GPLD1: variants seen among roughly 807,000 people sequenced by gnomAD.
GPLD1 encodes phosphatidylinositol-glycan-specific phospholipase D.
Under a neutral mutation model 112.6 loss-of-function variants are expected in GPLD1, and 84 were observed. The ratio of observed to expected loss-of-function variants is 0.75; its 90% CI spans 0.63 to 0.89. GPLD1 has a LOEUF of 0.89. GPLD1 is among the 40% of genes least tolerant of loss of function. The pLI is 0.00. For synonymous variants in GPLD1, 386 were observed against 403.8 expected, an observed-to-expected ratio of 0.96 and a Z score of 0.53; for missense variants, 1,044 against 1,051.5, an observed-to-expected ratio of 0.99 and a Z score of 0.10.
In GPLD1 at chr6:24,446,909, G is replaced by A; in HGVS notation, c.1749C>T (p.Ser583=). The change falls in exon 18 of 25, where the codon TCC becomes TCT. Residue 583 remains serine (S), a synonymous_variant. Transcript: ENST00000230036. ...GEEDFSWFGY[S]LHGVTVDNRT... ...TGTTGTCCACAGTGACACCGTGAAG[G>A]GAATATCCAAACCAGGAGAAGTCTT... 6.2e-7 allele frequency: 1 copy of A among 1,613,910 alleles called. No individual in the cohort carries two copies. Among genetic ancestry groups the A allele is most frequent in the Non-Finnish European group, 8.5e-7 (1 of 1,179,906 alleles).
At chr6:24,481,540 C>T (rs1042981403) in intron 2 of GPLD1, among the ~76,000 whole-genome samples, 2 of 152,160 alleles carry the variant, frequency 1.3e-5, no homozygotes, top group African/African-American at 4.8e-5. Flanking sequence ...CATTCCACAC[C>T]GCTCAGGTGG....
intron 7 of GPLD1, among the ~76,000 whole-genome samples, chr6:24,470,822 C>T (rs1763791648): frequency 6.6e-6 from 1 of 152,186 alleles, no homozygotes; most frequent in Non-Finnish European, 1.5e-5. Context: ...TGATCTCGAA[C>T]TCCTGACCTC....
At chr6:24,494,695 C>A (rs1764643850) in intron 1 of GPLD1, among the ~76,000 whole-genome samples, 1 of 152,200 alleles carries the variant, frequency 6.6e-6, no homozygotes, top group Non-Finnish European at 1.5e-5. Flanking sequence ...TGACAGCAGT[C>A]CGCAGGTGCA....
At chr6:24,477,621 T>C (rs1229628161) in intron 3 of GPLD1, among the ~76,000 whole-genome samples, 2 of 152,008 alleles carry the variant, frequency 1.3e-5, no homozygotes, top group African/African-American at 4.8e-5. Context: ...TCTCAGCTAC[T>C]CAGAAGGCTG....
At chr6:24,474,198 CACACACACAT>C (rs200842092) in intron 5 of GPLD1, among the ~76,000 whole-genome samples, 13,842 of 123,518 alleles carry the variant, frequency 0.11, 831 homozygotes, top group South Asian at 0.18. Flanking sequence ...CACACACACA[CACACACACAT>C]ATATATGCAG....
intron 22 of GPLD1, among the ~76,000 whole-genome samples, chr6:24,433,846 C>G (rs182123557): frequency 6.6e-5 from 10 of 152,114 alleles, no homozygotes; most frequent in African/African-American, 2.4e-4. Flanking sequence ...CCTTTGACCC[C>G]AGAAATTCTA....
rs763334608 is a variant in GPLD1, at chr6:24,476,165, G to A, written c.330+16C>T. The A allele has an allele frequency of 7.4e-7, 1 of 1,359,108 alleles. No individual in the cohort carries two copies. Among genetic ancestry groups the A allele is most frequent in the Middle Eastern group, 1.8e-4 (1 of 5,536 alleles). 84.2% of individuals were successfully genotyped at this position (1,359,108 alleles called of 1,614,324 possible). ...TTTGGTGCTAAATATTTTAAGGATT[G>A]GAGGACCACGCCTACCTTCTCCCAG... On this transcript the variant is annotated intron_variant, in intron 4 of 24. Coordinates refer to ENST00000230036, the MANE Select transcript of GPLD1 (RefSeq NM_001503.4).
chr6:24,440,137 T>C (rs1561831350), intron 20 of GPLD1, among the ~76,000 whole-genome samples: 1 of 152,206 alleles, frequency 6.6e-6, no homozygotes, highest in Non-Finnish European at 1.5e-5. Flanking sequence ...CATCTTGTAA[T>C]GTGGTTCATA....
At chr6:24,469,529 C>CA (rs1183194643) in intron 7 of GPLD1, among the ~76,000 whole-genome samples, 1 of 95,670 alleles carries the variant, frequency 1.0e-5, no homozygotes, top group Admixed American at 1.3e-4. Context: ...ATCGCAAGAA[C>CA]AAAAAACCAA....
In GPLD1 at chr6:24,449,452, G is replaced by A. The variant is rs1763011159; in HGVS notation, c.1446+337C>T. On this transcript the variant is annotated intron_variant, in intron 15 of 24. Coordinates refer to ENST00000230036, the MANE Select transcript of GPLD1 (RefSeq NM_001503.4). ...AGGAGAGGCCCAGGGAAGTCACCTC[G>A]CTGTTGTGATAACCAGAAACTACAG... is the stretch of plus-strand genomic sequence containing the variant. Among the ~76,000 whole-genome samples the A allele has an allele frequency of 2.0e-5, 3 of 152,126 alleles. No individual in the cohort carries two copies. In the South Asian group the frequency reaches 6.2e-4, roughly 32 times the overall value.
Position 24,467,274 on chromosome 6 carries a change from C to A in GPLD1, c.546G>T (p.Trp182Cys), listed in dbSNP as rs146351134. 341 of 1,514,710 alleles carry A rather than the reference C, an allele frequency of 2.3e-4. 1 individual carries two copies. In the African/African-American group the frequency reaches 3.8e-3, roughly 17 times the overall value. 93.8% of individuals were successfully genotyped at this position (1,514,710 alleles called of 1,614,324 possible). Residue 182 changes from tryptophan to cysteine, a missense_variant and splice_region_variant, in exon 8 of 25, where the codon TGG becomes TGT. By Grantham distance (215) the Trp-to-Cys change is radical. Coordinates refer to ENST00000230036, the MANE Select transcript of GPLD1 (RefSeq NM_001503.4). The part of the protein sequence containing the change: ...EFNFNYLARR[W>C]YVPVKDLLGI... ...CCAGTAGATCTTTGACTGGCACATA[C>A]CTGAAAAATGCAGAATAAAGTAAGA...
chr6:24,481,513 C>T (rs1401771453), intron 2 of GPLD1, among the ~76,000 whole-genome samples: 1 of 152,020 alleles, frequency 6.6e-6, no homozygotes, highest in Non-Finnish European at 1.5e-5. Context: ...CAGAATCACC[C>T]TCTCCCGAGG....
chr6:24,489,356 T>C (rs890147521), intron 1 of GPLD1, 59 bp downstream of exon 1: 32 of 1,259,914 alleles, frequency 2.5e-5, no homozygotes, highest in Admixed American at 1.9e-4. Flanking sequence ...AGTCTCTTCC[T>C]TAATGTCTTT....
At chr6:24,471,182 T>C (rs1291400808) in intron 7 of GPLD1, among the ~76,000 whole-genome samples, 1 of 152,106 alleles carries the variant, frequency 6.6e-6, no homozygotes, top group African/African-American at 2.4e-5. Context: ...AACTGACCCA[T>C]ACATATACAT....
At chr6:24,446,349 TA>T (rs35711560) in intron 18 of GPLD1, among the ~76,000 whole-genome samples, 644 of 149,326 alleles carry the variant, frequency 4.3e-3, no homozygotes, top group Non-Finnish European at 7.0e-3. Flanking sequence ...GTTTTTAAAT[TA>T]AAAAAAAAAA....
chr6:24,476,246 A>G lies in GPLD1; in HGVS notation c.265T>C (p.Trp89Arg). 1.3e-6 allele frequency: 2 copies of G among 1,567,892 alleles called. No homozygotes were observed. Among genetic ancestry groups the G allele is most frequent in the Non-Finnish European group, 1.7e-6 (2 of 1,150,022 alleles). ...ACGCTTGCATTAAGAAACGGAGTCCAGTGAGTGCTCTCAGACACATCATGG... is the reference window on the plus strand; with the variant it reads ...ACGCTTGCATTAAGAAACGGAGTCCGGTGAGTGCTCTCAGACACATCATGG... ...KFHDVSESTH[W>R]TPFLNASVHY... is the part of the protein sequence containing the mutation. Residue 89 changes from tryptophan (W) to arginine (R), a missense_variant, in exon 4 of 25, where the codon TGG becomes CGG. Transcript: ENST00000230036.
upstream of GPLD1, chr6:24,495,217 C>T (rs1020387454): frequency 6.6e-7 from 1 of 1,511,106 alleles, no homozygotes; most frequent in Non-Finnish European, 8.8e-7. Context: ...CCGGCCGCCG[C>T]CACCTTCCCC....
chr6:24,471,476 G>A (rs917392279), intron 7 of GPLD1, among the ~76,000 whole-genome samples: 1 of 152,000 alleles, frequency 6.6e-6, no homozygotes, highest in African/African-American at 2.4e-5. Flanking sequence ...AAAAAAGACA[G>A]AAAGAAACAG....
At chr6:24,440,124 T>C (rs1042694893) in intron 20 of GPLD1, among the ~76,000 whole-genome samples, 1 of 152,184 alleles carries the variant, frequency 6.6e-6, no homozygotes, top group East Asian at 1.9e-4. Flanking sequence ...GGAAAGAGGA[T>C]ATCATCTTGT....
Sources: allele counts gnomAD v4.1 joint callset (sites outside exome capture counted in the v4.1 genomes callset), GRCh38; gene constraint gnomAD v4.1.1; transcripts MANE v1.5; gene names NCBI Gene and HGNC (gene_info 2026-07-23, HGNC 2026-07-21).